Variants in UBE2U observed in about 807,000 individuals in gnomAD.
UBE2U encodes ubiquitin-conjugating enzyme E2 U.
In UBE2U, 39 loss-of-function variants were observed where a neutral mutation model predicts 41.2. That is an observed-to-expected ratio of 0.95 (90% confidence interval 0.73 to 1.24). UBE2U has a LOEUF of 1.24. UBE2U is among the 50% of genes most tolerant of loss of function. The pLI, the probability that UBE2U is intolerant of heterozygous loss-of-function variation, is 0.00. For synonymous variants in UBE2U, 107 were observed against 117.8 expected (o/e 0.91, Z 0.60); for missense variants, 336 against 363.1 (o/e 0.93, Z 0.61).
intron 4 of UBE2U, among the ~76,000 whole-genome samples, chr1:64,213,818 A>G (rs1236503404): frequency 2.6e-5 from 4 of 152,206 alleles, no homozygotes; most frequent in Non-Finnish European, 5.9e-5. Context: ...TACACAAACC[A>G]AGATGGTATA....
At chr1:64,205,554 T>G in intron 1 of UBE2U, 85 bp from the exon 2 acceptor site, 1 of 1,073,362 alleles carries the variant, frequency 9.3e-7, no homozygotes, top group Non-Finnish European at 1.4e-6. Flanking sequence ...TTTTTAGAAT[T>G]CAGTGTGACC....
chr1:64,208,500 G>A (rs1022603254), intron 3 of UBE2U, among the ~76,000 whole-genome samples: 1 of 150,564 alleles, frequency 6.6e-6, no homozygotes, highest in Non-Finnish European at 1.5e-5. Context: ...AGCTACTTCA[G>A]GTCTGAGGTA....
intron 7 of UBE2U, among the ~76,000 whole-genome samples, chr1:64,237,463 G>A (rs536392414): frequency 6.6e-6 from 1 of 152,286 alleles, no homozygotes; most frequent in Non-Finnish European, 1.5e-5. Flanking sequence ...AGTGATGAAG[G>A]AATTTCAACG....
At chr1:64,210,683 G>T in intron 3 of UBE2U, 59 bp from the exon 4 acceptor site, 1 of 1,130,654 alleles carries the variant, frequency 8.8e-7, no homozygotes, top group Non-Finnish European at 1.2e-6. Context: ...TTTGATGTTT[G>T]TAAGTTTTAA....
chr1:64,236,061 C>T (rs943891191), intron 7 of UBE2U, among the ~76,000 whole-genome samples: 1 of 152,128 alleles, frequency 6.6e-6, no homozygotes, highest in Non-Finnish European at 1.5e-5. Context: ...GAGTTTCATC[C>T]TGGGTCTGCC....
chr1:64,239,164 AAGAAGAAGAAGAAG>A (rs1644775079), intron 7 of UBE2U, among the ~76,000 whole-genome samples: 1 of 84,362 alleles, frequency 1.2e-5, no homozygotes, highest in African/African-American at 5.4e-5. Flanking sequence ...AAGAAAGAAG[AAGAAGAAGAAGAAG>A]AAGAAGAAGA....
intron 6 of UBE2U, among the ~76,000 whole-genome samples, chr1:64,222,225 C>T (rs532541936): frequency 6.6e-6 from 1 of 152,168 alleles, no homozygotes; most frequent in South Asian, 2.1e-4. Flanking sequence ...ATTGCCACCC[C>T]TTAAATGTGT....
chr1:64,226,688 A>G (rs1299616839), intron 6 of UBE2U, among the ~76,000 whole-genome samples: 1 of 152,034 alleles, frequency 6.6e-6, no homozygotes, highest in Admixed American at 6.6e-5. Flanking sequence ...AAGATATTCA[A>G]TTATCTTTAC....
rs767835718 is a variant in UBE2U at position 64,210,818 on chromosome 1, C to T, written c.318C>T (p.Ser106=). The change falls in exon 4 of 10, where the codon AGC becomes AGT. Residue 106 remains serine, a synonymous_variant. Coordinates refer to ENST00000371077, the MANE Select transcript of UBE2U (RefSeq NM_001366232.2). ...AGTGGAATACAAACTATACATTGAG[C>T]AGCATCTTACTTGCCCTACAGGTAA... The part of the protein sequence containing the change: ...PEKWNTNYTL[S]SILLALQVML... 6.2e-7 allele frequency: 1 copy of T among 1,605,272 alleles called. No homozygotes were observed. The highest frequency in any genetic ancestry group is 1.1e-5 in the South Asian group (1 of 89,752).
intron 8 of UBE2U, among the ~76,000 whole-genome samples, chr1:64,243,843 G>A (rs1003253576): frequency 6.6e-6 from 1 of 152,096 alleles, no homozygotes; most frequent in Non-Finnish European, 1.5e-5. Context: ...GGAATGTGGA[G>A]CTCTTAAGCG....
chr1:64,207,160 GT>G (rs570517830), intron 3 of UBE2U, among the ~76,000 whole-genome samples: 2 of 151,744 alleles, frequency 1.3e-5, no homozygotes, highest in African/African-American at 4.8e-5. Flanking sequence ...ATTTTATGGT[GT>G]TTTTTTTGAG....
rs569635220 is a variant in UBE2U, at chr1:64,245,673, A to G, written c.677+3940A>G. Among the ~76,000 whole-genome samples the G allele has an allele frequency of 3.3e-5, 5 of 152,270 alleles. No homozygotes were observed. The South Asian group carries it at 1.0e-3, about 32-fold the overall frequency. ...AGTTGACAGTCACACGTGTAAGTGT[A>G]ACCCACAATAATACCCATCAGCCTC... is the stretch of plus-strand genomic sequence containing the variant. On this transcript the variant is annotated intron_variant, in intron 8 of 9. Coordinates refer to ENST00000371077, the MANE Select transcript of UBE2U (RefSeq NM_001366232.2).
chr1:64,238,502 C>T (rs1163164835), intron 7 of UBE2U, among the ~76,000 whole-genome samples: 1 of 151,772 alleles, frequency 6.6e-6, no homozygotes, highest in East Asian at 1.9e-4. Context: ...CTCTGGGGAG[C>T]TAAGATTTAC....
intron 8 of UBE2U, 29 bp from the exon 9 acceptor site, chr1:64,260,574 G>C (rs957070578): frequency 6.6e-7 from 1 of 1,509,874 alleles, no homozygotes; most frequent in African/African-American, 1.4e-5. Flanking sequence ...AATTCATTTG[G>C]GAATTTAGTT....
intron 8 of UBE2U, among the ~76,000 whole-genome samples, chr1:64,253,141 G>C (rs1388321362): frequency 6.6e-6 from 1 of 152,120 alleles, no homozygotes; most frequent in East Asian, 1.9e-4. Context: ...TAGCAGAATA[G>C]ATCAAGTGGA....
chr1:64,215,730 C>T (rs1050703245), intron 5 of UBE2U, among the ~76,000 whole-genome samples: 3 of 152,192 alleles, frequency 2.0e-5, no homozygotes, highest in African/African-American at 7.2e-5. Context: ...TCTTTCTGCT[C>T]CACTGAGCAG....
chr1:64,257,740 C>T (rs1248745151), intron 8 of UBE2U, among the ~76,000 whole-genome samples: 1 of 152,066 alleles, frequency 6.6e-6, no homozygotes, highest in East Asian at 1.9e-4. Flanking sequence ...TGTAACAAAC[C>T]TGCACATCTT....
rs572416995 is a variant in UBE2U, at chr1:64,242,591, A to G, written c.677+858A>G. On this transcript the variant is annotated intron_variant, in intron 8 of 9. Coordinates refer to ENST00000371077, the MANE Select transcript of UBE2U (RefSeq NM_001366232.2). ...TTCTGAAGCAACTGAGGAATTGAAT[A>G]TATTTTTTTAAATTGAGTATATTAA... 3.3e-5 allele frequency among the ~76,000 whole-genome samples: 5 copies of G among 151,788 alleles called. No individual in the cohort carries two copies. In the South Asian group the frequency reaches 1.0e-3, roughly 32 times the overall value.
At chr1:64,228,712 C>A (rs796259298) in intron 6 of UBE2U, among the ~76,000 whole-genome samples, 3 of 112,528 alleles carry the variant, frequency 2.7e-5, no homozygotes, top group African/African-American at 1.1e-4. Flanking sequence ...TTTTTTAAGA[C>A]AGAGTCTTGC....
Sources: gnomAD v4.1 joint callset for allele counts (sites outside exome capture counted in the v4.1 genomes callset) on GRCh38, gnomAD v4.1.1 for gene constraint, MANE v1.5 for transcripts, NCBI Gene and HGNC (gene_info 2026-07-23, HGNC 2026-07-21) for gene names.